The following IAH1 variants were observed in gnomAD, a reference collection of about 807,000 sequenced individuals.
The protein encoded by IAH1 is isoamyl acetate-hydrolyzing esterase 1 homolog.
IAH1 carries 24 observed loss-of-function variants against 26.7 expected under a neutral mutation model. The observed-to-expected ratio is 0.90, with a 90% CI of 0.65 to 1.26. The LOEUF (loss-of-function observed/expected upper bound fraction) is 1.26. Ranked by LOEUF, IAH1 falls within the 50% of genes most tolerant of loss-of-function variation. IAH1 has a pLI of 0.00. For synonymous variants in IAH1, 140 were observed against 118.5 expected (o/e 1.18, Z -1.18); for missense variants, 300 against 299.9 (o/e 1.00, Z 0.00).
chr2:9,486,263 C>T (rs1462387932), intron 5 of IAH1: 5 of 152,190 alleles, frequency 3.3e-5, no homozygotes, highest in Admixed American at 3.3e-4. Context: ...TCCTCTGAAA[C>T]CCTGGAGTAC....
chr2:9,494,625 A>G, downstream of IAH1: 1 of 1,613,202 alleles, frequency 6.2e-7, no homozygotes, highest in Non-Finnish European at 8.5e-7. Context: ...AAAGCTGTAC[A>G]TAAATACTCA....
intron 3 of IAH1, among the ~76,000 whole-genome samples, chr2:9,480,156 G>A (rs757538326): frequency 5.9e-5 from 9 of 151,978 alleles, no homozygotes; most frequent in Non-Finnish European, 7.4e-5. Flanking sequence ...TGTACAGTAC[G>A]GAAACATCAT....
At chr2:9,487,850 G>A (rs1039627550) in intron 5 of IAH1, among the ~76,000 whole-genome samples, 5 of 146,124 alleles carry the variant, frequency 3.4e-5, no homozygotes, top group East Asian at 2.0e-4. Context: ...GCGCGCGCGC[G>A]CTGTGGGGGG....
At chr2:9,482,056 G>A (rs575686257) in intron 4 of IAH1, among the ~76,000 whole-genome samples, 35 of 136,718 alleles carry the variant, frequency 2.6e-4, no homozygotes, top group Admixed American at 2.3e-3. Flanking sequence ...TTTGGAGATA[G>A]AGTCTGGCTC....
chr2:9,505,412 T>C, the IAH1 span: 33 of 1,535,760 alleles, frequency 2.1e-5, no homozygotes, highest in South Asian at 3.5e-4. Flanking sequence ...ATCATAAAAA[T>C]GTATTCCCAT....
At chr2:9,480,560 A>G (rs918219113) in intron 3 of IAH1, among the ~76,000 whole-genome samples, 7 of 152,210 alleles carry the variant, frequency 4.6e-5, no homozygotes, top group African/African-American at 1.7e-4. Context: ...CTTCAGTGCA[A>G]ACTCATTTTT....
chr2:9,508,028 G>C, the IAH1 span, among the ~76,000 whole-genome samples: 4 of 152,126 alleles, frequency 2.6e-5, no homozygotes, highest in Non-Finnish European at 5.9e-5. Context: ...TTCTTACAGG[G>C]CTGTTTTGAA....
At chr2:9,483,194 G>A (rs1232325868) in intron 4 of IAH1, among the ~76,000 whole-genome samples, 1 of 152,158 alleles carries the variant, frequency 6.6e-6, no homozygotes, top group Non-Finnish European at 1.5e-5. Flanking sequence ...GTCAGTGATG[G>A]GCAAAGCAGG....
chr2:9,484,643 C>A, intron 5 of IAH1, 93 bp downstream of exon 5: 1 of 810,076 alleles, frequency 1.2e-6, no homozygotes, highest in Non-Finnish European at 2.1e-6. Context: ...AAAGGCCCTG[C>A]TTAGCTAAGA....
chr2:9,488,629 T>C lies in IAH1; in HGVS notation c.*300T>C, dbSNP rs1661783258. On this transcript the variant is annotated 3_prime_UTR_variant, in exon 6 of 6. Transcript: ENST00000497473. ...ATAAAAATGGTTTTTCTTACATTCTTTTGAGAACTGTTTCACTCATACATA... is the reference window on the plus strand; with the variant it reads ...ATAAAAATGGTTTTTCTTACATTCTCTTGAGAACTGTTTCACTCATACATA... The C allele has an allele frequency of 4.7e-6, 1 of 213,744 alleles. No individual in the cohort carries two copies. Among genetic ancestry groups the C allele is most frequent in the Non-Finnish European group, 9.2e-6 (1 of 108,902 alleles). 13.2% of individuals were successfully genotyped at this position (213,744 alleles called of 1,614,324 possible).
In IAH1 at chr2:9,480,897, C is replaced by A. The variant is rs554657151; in HGVS notation, c.284-389C>A. ...GGAGACCTTATTATCTTCATTTTCCCAATGAGGTACAGAAAGTCTAAGTAT... is the reference window on the plus strand; with the variant it reads ...GGAGACCTTATTATCTTCATTTTCCAAATGAGGTACAGAAAGTCTAAGTAT... On this transcript the variant is annotated intron_variant, in intron 3 of 5. Transcript: ENST00000497473. 16 of 163,024 alleles carry A rather than the reference C, an allele frequency of 9.8e-5. No homozygotes were observed. In the South Asian group the frequency reaches 2.7e-3, roughly 27 times the overall value. 10.1% of individuals were successfully genotyped at this position (163,024 alleles called of 1,614,324 possible). A position where few individuals can be genotyped will look rare whatever the true frequency, so the allele number is the denominator to read the frequency against.
chr2:9,494,910 C>G (rs938721159), intron 6 of IAH1: 7 of 984,194 alleles, frequency 7.1e-6, no homozygotes, highest in South Asian at 3.9e-5. Context: ...CTATCCATAG[C>G]CCCCACCAAG....
At chr2:9,475,108 T>C in intron 1 of IAH1, 1 of 1,263,214 alleles carries the variant, frequency 7.9e-7, no homozygotes, top group Non-Finnish European at 1.0e-6. Context: ...GTGGGGCCGT[T>C]AGGGGTTGAC....
chr2:9,485,239 A>G (rs1421020634), intron 5 of IAH1: 1 of 152,288 alleles, frequency 6.6e-6, no homozygotes, highest in Non-Finnish European at 1.5e-5. Context: ...ACTCGGCAAT[A>G]AAGAGGAGGA....
At chr2:9,490,066 G>T (rs1343579133), downstream of IAH1, 10 of 1,017,836 alleles carry the variant, frequency 9.8e-6, no homozygotes, top group Non-Finnish European at 1.4e-5. Context: ...CACATGACCA[G>T]CATCTGCTAA....
chr2:9,509,935 A>C, the IAH1 span: 1 of 1,607,078 alleles, frequency 6.2e-7, no homozygotes, highest in African/African-American at 1.3e-5. Context: ...CATTATACAC[A>C]GCCTCTTTCC....
the IAH1 span, chr2:9,505,025 G>C: frequency 1.1e-6 from 1 of 941,520 alleles, no homozygotes; most frequent in African/African-American, 1.7e-5. Context: ...TTCTTGCTGT[G>C]AAGGGCAAAA....
the IAH1 span, among the ~76,000 whole-genome samples, chr2:9,510,569 CAGG>C: frequency 6.6e-6 from 1 of 151,570 alleles, no homozygotes; most frequent in Non-Finnish European, 1.5e-5. Flanking sequence ...GAGGCTGAGG[CAGG>C]AGAACTGCTT....
chr2:9,481,552 T>C (rs1661174866), intron 4 of IAH1, 105 bp downstream of exon 4: 2 of 1,046,902 alleles, frequency 1.9e-6, no homozygotes, highest in Admixed American at 2.2e-5. Flanking sequence ...TCTTAGGGGC[T>C]CGGTATGTCC....
Sources: gnomAD v4.1 joint callset for allele counts (sites outside exome capture counted in the v4.1 genomes callset) on GRCh38, gnomAD v4.1.1 for gene constraint, MANE v1.5 for transcripts, NCBI Gene and HGNC (gene_info 2026-07-23, HGNC 2026-07-21) for gene names.